WWOX: variants seen among roughly 807,000 people sequenced by gnomAD.
The protein encoded by WWOX is WW domain containing oxidoreductase.
In WWOX, 69 loss-of-function variants were observed where a neutral mutation model predicts 46.2. The observed-to-expected ratio is 1.49, with a 90% CI of 1.23 to 1.82. WWOX has a LOEUF of 1.82. Ranked by LOEUF, WWOX falls within the 40% of genes most tolerant of loss-of-function variation. WWOX has a pLI of 0.00. For missense variants in WWOX, 919 were observed against 542.6 expected, an observed-to-expected ratio of 1.69 and a Z score of -6.89; for synonymous variants, 359 against 202.6, an observed-to-expected ratio of 1.77 and a Z score of -6.56.
intron 5 of WWOX, among the ~76,000 whole-genome samples, chr16:78,362,482 A>G (rs1219329720): frequency 2.0e-5 from 3 of 152,076 alleles, no homozygotes; most frequent in Admixed American, 6.5e-5. Context: ...GGTGGCAGGC[A>G]TCTGTTGTTC....
At chr16:78,586,588 C>G (rs1175773421) in intron 8 of WWOX, among the ~76,000 whole-genome samples, 1 of 152,162 alleles carries the variant, frequency 6.6e-6, no homozygotes, top group Non-Finnish European at 1.5e-5. Flanking sequence ...AATGGTGACT[C>G]AGATTAAGAA....
At position 79,152,041 on chromosome 16, in the gene WWOX, T is replaced by C. The variant is rs146465080; in HGVS notation, c.1057-59567T>C. Among the ~76,000 whole-genome samples the C allele has an allele frequency of 2.3e-3, 349 of 152,344 alleles. 1 individual carries two copies. The Middle Eastern group carries it at 0.027, about 12-fold the overall frequency. ...TGTATTAAGCAGAAGTTGGGAATCA[T>C]AGAAGACCTTGATCTTACCATATCC... On this transcript the variant is annotated intron_variant, in intron 8 of 8. Transcript: ENST00000566780.
intron 8 of WWOX, among the ~76,000 whole-genome samples, chr16:78,930,928 C>G (rs1396195808): frequency 1.3e-5 from 2 of 152,136 alleles, no homozygotes; most frequent in Non-Finnish European, 2.9e-5. Flanking sequence ...TTCCCAGGTC[C>G]TATCACTAAC....
Position 78,568,951 on chromosome 16 carries a change from C to T in WWOX, c.1056+136199C>T, listed in dbSNP as rs116891193. ...CTTGAGGTCTTATTGTCCACTTCTA[C>T]CTTAGCTATGTAAACAGATGAGTAA... On this transcript the variant is annotated intron_variant, in intron 8 of 8. Transcript: ENST00000566780. 4.7e-3 allele frequency among the ~76,000 whole-genome samples: 716 copies of T among 152,318 alleles called. 1 individual carries two copies. The highest frequency in any genetic ancestry group is 9.6e-3 in the Admixed American group (147 of 15,294).
chr16:78,109,064 A>G (rs552600385), intron 2 of WWOX, among the ~76,000 whole-genome samples: 1 of 152,196 alleles, frequency 6.6e-6, no homozygotes, highest in East Asian at 1.9e-4. Context: ...ATGTTTTCCT[A>G]TCGTTGCAGT....
chr16:79,057,465 T>G (rs9921050), intron 8 of WWOX, among the ~76,000 whole-genome samples: 1 of 151,802 alleles, frequency 6.6e-6, no homozygotes, highest in Non-Finnish European at 1.5e-5. Flanking sequence ...TCCTTCTCAT[T>G]AGAGTCTTTC....
chr16:78,939,895 CT>C (rs1597179638), intron 8 of WWOX, among the ~76,000 whole-genome samples: 1 of 152,194 alleles, frequency 6.6e-6, no homozygotes, highest in Non-Finnish European at 1.5e-5. Context: ...TTTGTACATG[CT>C]TTTGCTCAAG....
intron 8 of WWOX, among the ~76,000 whole-genome samples, chr16:78,729,202 C>T (rs1190909431): frequency 6.6e-6 from 1 of 151,792 alleles, no homozygotes; most frequent in Non-Finnish European, 1.5e-5. Context: ...ATTAGCCAGA[C>T]ATCGTGGTGC....
chr16:78,466,871 T>C (rs2084091229), intron 8 of WWOX, among the ~76,000 whole-genome samples: 1 of 152,118 alleles, frequency 6.6e-6, no homozygotes, highest in South Asian at 2.1e-4. Context: ...CAAAAAATTT[T>C]TTTCTTCCAT....
At chr16:78,627,967 C>G (rs1279473202) in intron 8 of WWOX, among the ~76,000 whole-genome samples, 4 of 152,214 alleles carry the variant, frequency 2.6e-5, no homozygotes, top group African/African-American at 7.2e-5. Flanking sequence ...GCTCTGTTGA[C>G]AAACTGGCAT....
intron 8 of WWOX, among the ~76,000 whole-genome samples, chr16:78,450,502 A>G (rs1438204566): frequency 3.3e-5 from 5 of 152,200 alleles, no homozygotes; most frequent in African/African-American, 1.2e-4. Context: ...TATAAAAAGT[A>G]TATTTGCCGG....
chr16:78,144,521 ATATTT>A (rs1410182157), intron 4 of WWOX, among the ~76,000 whole-genome samples: 395 of 24,332 alleles, frequency 0.016, 40 homozygotes, highest in African/African-American at 0.056. Flanking sequence ...ATATATATAT[ATATTT>A]TTTTTTTTTT....
At chr16:79,164,644 G>T (rs2050555783) in intron 8 of WWOX, among the ~76,000 whole-genome samples, 1 of 152,174 alleles carries the variant, frequency 6.6e-6, no homozygotes. Flanking sequence ...GAAAGGGAAA[G>T]TTCCCACTTT....
chr16:78,735,861 G>A (rs932639696), intron 8 of WWOX, among the ~76,000 whole-genome samples: 6 of 112,436 alleles, frequency 5.3e-5, no homozygotes, highest in African/African-American at 8.2e-5. Flanking sequence ...CTCTGCAACA[G>A]GGCCAGGGAT....
At chr16:78,177,452 C>T (rs982961831) in intron 5 of WWOX, among the ~76,000 whole-genome samples, 1 of 152,128 alleles carries the variant, frequency 6.6e-6, no homozygotes, top group African/African-American at 2.4e-5. Flanking sequence ...GATGGTCTCC[C>T]CACGTGCTTT....
intron 8 of WWOX, among the ~76,000 whole-genome samples, chr16:79,085,900 A>C (rs1486583750): frequency 6.6e-6 from 1 of 152,002 alleles, no homozygotes; most frequent in Non-Finnish European, 1.5e-5. Context: ...AAAAACAAAA[A>C]AATTAGCCAG....
chr16:78,342,343 C>T (rs894770663), intron 5 of WWOX, among the ~76,000 whole-genome samples: 2 of 120,932 alleles, frequency 1.7e-5, no homozygotes, highest in African/African-American at 2.8e-5. Context: ...CCACCCTACA[C>T]AACCACTCGT....
chr16:78,639,944 A>T (rs1597382746), intron 8 of WWOX, among the ~76,000 whole-genome samples: 1 of 152,124 alleles, frequency 6.6e-6, no homozygotes, highest in Admixed American at 6.5e-5. Context: ...AGGGAGTGGG[A>T]GGCAGGTGTT....
At chr16:78,755,035 C>G (rs1279787557) in intron 8 of WWOX, among the ~76,000 whole-genome samples, 3 of 148,382 alleles carry the variant, frequency 2.0e-5, no homozygotes, top group East Asian at 4.0e-4. Flanking sequence ...ACATCACACA[C>G]CGGGGCCTGT....
Sources: gnomAD v4.1 joint callset for allele counts (sites outside exome capture counted in the v4.1 genomes callset) on GRCh38, gnomAD v4.1.1 for gene constraint, MANE v1.5 for transcripts, NCBI Gene and HGNC (gene_info 2026-07-23, HGNC 2026-07-21) for gene names.